RNF169: variants seen among roughly 807,000 people sequenced by gnomAD.
RNF169 encodes E3 ubiquitin-protein ligase RNF169.
A neutral mutation model predicts 53.9 loss-of-function variants in RNF169; 24 were observed. The ratio of observed to expected loss-of-function variants is 0.45; its 90% CI spans 0.32 to 0.63. RNF169 has a LOEUF of 0.63. Ranked by LOEUF, RNF169 falls within the 20% of genes least tolerant of loss-of-function variation. The probability of loss-of-function intolerance (pLI) is 0.04; values close to 1 mark genes in which losing one functional copy is unlikely to be tolerated. For missense variants in RNF169, 883 were observed against 906.2 expected (o/e 0.97, Z 0.33); for synonymous variants, 396 against 363.5 (o/e 1.09, Z -1.02).
intron 1 of RNF169, among the ~76,000 whole-genome samples, chr11:74,764,402 G>T (rs778794191): frequency 6.6e-6 from 1 of 152,124 alleles, no homozygotes; most frequent in Non-Finnish European, 1.5e-5. Context: ...GTGTGGTGGC[G>T]CATGCCTGTA....
At position 74,803,315 on chromosome 11, in the gene RNF169, G is replaced by T. The variant is rs181956031; in HGVS notation, c.577-6869G>T. On this transcript the variant is annotated intron_variant, in intron 2 of 5. Coordinates refer to ENST00000299563, the MANE Select transcript of RNF169 (RefSeq NM_001098638.2). ...TTAGCCAGGATGATCTCGATCTCCT[G>T]ACCTAGTGATCTGCCTGCCTCGGCC... 2.2e-4 allele frequency among the ~76,000 whole-genome samples: 33 copies of T among 152,250 alleles called. No homozygotes were observed. The East Asian group carries it at 6.4e-3, about 29-fold the overall frequency.
At chr11:74,766,841 G>A (rs1176236653) in intron 1 of RNF169, among the ~76,000 whole-genome samples, 9 of 152,160 alleles carry the variant, frequency 5.9e-5, no homozygotes, top group Non-Finnish European at 1.3e-4. Context: ...AAGGATGGAT[G>A]GTTCCAGGGA....
chr11:74,789,486 A>T, intron 1 of RNF169, 140 bp from the exon 2 acceptor site: 1 of 510,582 alleles, frequency 2.0e-6, no homozygotes, highest in Non-Finnish European at 3.5e-6. Flanking sequence ...TACCTTTTTG[A>T]TAGTATTTAA....
At chr11:74,773,936 A>G (rs1299605168) in intron 1 of RNF169, among the ~76,000 whole-genome samples, 1 of 152,234 alleles carries the variant, frequency 6.6e-6, no homozygotes. Flanking sequence ...ATATGCAGTC[A>G]TTCATTTTGT....
intron 3 of RNF169, 86 bp from the exon 4 acceptor site, chr11:74,817,510 T>A (rs547231323): frequency 3.7e-6 from 3 of 800,662 alleles, no homozygotes; most frequent in Non-Finnish European, 6.4e-6. Context: ...AGAAGCGACA[T>A]AGAGAAAGAG....
chr11:74,813,137 A>G (rs1161331641), intron 3 of RNF169, among the ~76,000 whole-genome samples: 1 of 152,102 alleles, frequency 6.6e-6, no homozygotes, highest in East Asian at 1.9e-4. Context: ...CCACTCCCCC[A>G]AACCCCCACT....
intron 1 of RNF169, among the ~76,000 whole-genome samples, chr11:74,757,811 T>G (rs2035010422): frequency 1.6e-5 from 1 of 63,024 alleles, no homozygotes; most frequent in Non-Finnish European, 2.7e-5. Flanking sequence ...GAGAAGTGTC[T>G]GTTCATATCC....
At chr11:74,776,056 A>G (rs757713647) in intron 1 of RNF169, among the ~76,000 whole-genome samples, 1 of 152,048 alleles carries the variant, frequency 6.6e-6, no homozygotes, top group Non-Finnish European at 1.5e-5. Context: ...AGCCAAGTAT[A>G]ATATGACTTA....
At chr11:74,768,244 A>G (rs2035204366) in intron 1 of RNF169, among the ~76,000 whole-genome samples, 1 of 152,190 alleles carries the variant, frequency 6.6e-6, no homozygotes, top group Non-Finnish European at 1.5e-5. Context: ...TAAAGGTGTC[A>G]TTTTTACTTT....
intron 3 of RNF169, among the ~76,000 whole-genome samples, chr11:74,815,020 A>T (rs576247515): frequency 6.6e-6 from 1 of 152,248 alleles, no homozygotes; most frequent in Admixed American, 6.5e-5. Context: ...CATCTTGCCA[A>T]CTTTGAGTAT....
chr11:74,780,522 A>G (rs574147733), intron 1 of RNF169, among the ~76,000 whole-genome samples: 1 of 152,342 alleles, frequency 6.6e-6, no homozygotes, highest in Non-Finnish European at 1.5e-5. Flanking sequence ...TTAAGAATTC[A>G]GCCTCATTGA....
chr11:74,822,662 C>G (rs1318010659), intron 4 of RNF169, among the ~76,000 whole-genome samples: 2 of 152,056 alleles, frequency 1.3e-5, no homozygotes, highest in African/African-American at 4.8e-5. Context: ...GATCACTTCT[C>G]TCATTTCTCT....
In RNF169 at chr11:74,749,240, C is replaced by G. The variant is rs1369952873; in HGVS notation, c.360C>G (p.Asp120Glu). 7.4e-6 allele frequency: 8 copies of G among 1,082,918 alleles called. No individual in the cohort carries two copies. The highest frequency in any genetic ancestry group is 5.2e-5 in the Admixed American group (1 of 19,198). 67.1% of individuals were successfully genotyped at this position (1,082,918 alleles called of 1,614,324 possible). ...GPGWARRRAR[D>E]DGQADSEVLG... ...GCTGGGCCCGCCGTCGGGCCCGCGACGACGGCCAGGCCGACTCAGAGGTGC... is the reference window on the plus strand; with the variant it reads ...GCTGGGCCCGCCGTCGGGCCCGCGAGGACGGCCAGGCCGACTCAGAGGTGC... The change falls in exon 1 of 6, where the codon GAC becomes GAG. Residue 120 changes from aspartate to glutamate, a missense_variant. By Grantham distance (45) the Asp-to-Glu change is conservative. This residue lies in a region of RNF169 where 313 missense variants were observed against 279.9 expected (regional missense o/e 1.12). Transcript: ENST00000299563.
rs1049556070 is a variant in RNF169, at chr11:74,821,377, G to T, written c.842+3663G>T. On this transcript the variant is annotated intron_variant, in intron 4 of 5. Transcript: ENST00000299563. ...CCATCAGTAAAAGAATACAAGTGCG[G>T]GCCGGGCGCGGTGGCTCACGCCTGT... is the stretch of plus-strand genomic sequence containing the variant. Among the ~76,000 whole-genome samples, 6 of 128,122 alleles carry T rather than the reference G, an allele frequency of 4.7e-5. 1 individual carries two copies. Among genetic ancestry groups the T allele is most frequent in the African/African-American group, 2.3e-4 (6 of 25,572 alleles). 84.1% of individuals were successfully genotyped at this position (128,122 alleles called of 152,430 possible).
At chr11:74,816,263 A>G (rs1353762260) in intron 3 of RNF169, among the ~76,000 whole-genome samples, 1 of 152,246 alleles carries the variant, frequency 6.6e-6, no homozygotes, top group South Asian at 2.1e-4. Flanking sequence ...TCAGCTGAGC[A>G]GACAGTTCTT....
chr11:74,750,937 A>G (rs1395936646), intron 1 of RNF169, among the ~76,000 whole-genome samples: 3 of 135,454 alleles, frequency 2.2e-5, no homozygotes, highest in Non-Finnish European at 4.6e-5. Context: ...GCAGTGGCCA[A>G]TCTCTCAGCT....
At chr11:74,774,706 G>C (rs1004453054) in intron 1 of RNF169, among the ~76,000 whole-genome samples, 1 of 152,172 alleles carries the variant, frequency 6.6e-6, no homozygotes, top group African/African-American at 2.4e-5. Flanking sequence ...TGTAATCCTA[G>C]CACTTTGGGA....
At chr11:74,811,141 A>T (rs1447605791) in intron 3 of RNF169, among the ~76,000 whole-genome samples, 1 of 152,176 alleles carries the variant, frequency 6.6e-6, no homozygotes, top group Non-Finnish European at 1.5e-5. Context: ...GGCAAAAAAA[A>T]AAATCTCTGG....
rs1443774484 is a variant in RNF169, at chr11:74,831,488, TAAAG to T, written c.843-3185_843-3182del. 2.6e-5 allele frequency: 4 copies of T among 152,086 alleles called. No individual in the cohort carries two copies. The East Asian group carries it at 7.7e-4, about 29-fold the overall frequency. 9.4% of individuals were successfully genotyped at this position (152,086 alleles called of 1,614,324 possible). Reference sequence around the variant, plus strand: ...ACTACAAAACGTTGCTGAAAGAAATTAAAGAAGATCTAACTAAGCAAAAGACTTC... The same window carrying T: ...ACTACAAAACGTTGCTGAAAGAAATTAAGATCTAACTAAGCAAAAGACTTC... On this transcript the variant is annotated intron_variant, in intron 4 of 5. Coordinates refer to ENST00000299563, the MANE Select transcript of RNF169 (RefSeq NM_001098638.2).
Sources: gnomAD v4.1 joint callset for allele counts (sites outside exome capture counted in the v4.1 genomes callset) on GRCh38, gnomAD v4.1.1 for gene constraint, gnomAD v4.1.1 regional missense constraint, MANE v1.5 for transcripts, NCBI Gene and HGNC (gene_info 2026-07-23, HGNC 2026-07-21) for gene names.